COL28A1: variants seen among roughly 807,000 people sequenced by gnomAD.
COL28A1 encodes collagen alpha-1(XXVIII) chain.
In COL28A1, 161 loss-of-function variants were observed where a neutral mutation model predicts 150.2. That is an observed-to-expected ratio of 1.07 (90% CI 0.94 to 1.22). COL28A1 has a LOEUF of 1.22. Ranked by LOEUF, COL28A1 falls within the 50% of genes most tolerant of loss-of-function variation. The pLI, the probability that COL28A1 is intolerant of heterozygous loss-of-function variation, is 0.00. For missense variants in COL28A1, 1,617 were observed against 1,388.3 expected (o/e 1.16, Z -2.62); for synonymous variants, 552 against 469.7 (o/e 1.18, Z -2.26).
intron 11 of COL28A1, among the ~76,000 whole-genome samples, chr7:7,497,102 G>GAAGA (rs1434118724): frequency 7.7e-5 from 11 of 143,024 alleles, no homozygotes; most frequent in Admixed American, 4.1e-4. Context: ...AGAAAGGAAG[G>GAAGA]AAGGAAGGAA....
intron 13 of COL28A1, among the ~76,000 whole-genome samples, chr7:7,483,294 TTTTA>T (rs1172834240): frequency 6.6e-6 from 1 of 152,226 alleles, no homozygotes; most frequent in Non-Finnish European, 1.5e-5. Context: ...TTACAGTATT[TTTTA>T]TTTATGACGG....
At chr7:7,400,773 T>A (rs925689183) in intron 27 of COL28A1, among the ~76,000 whole-genome samples, 72 of 152,294 alleles carry the variant, frequency 4.7e-4, no homozygotes, top group African/African-American at 1.7e-3. Context: ...GTTGCCTGTA[T>A]ACTTTGTCTT....
At chr7:7,342,430 A>G in the COL28A1 span, among the ~76,000 whole-genome samples, 1 of 152,078 alleles carries the variant, frequency 6.6e-6, no homozygotes, top group South Asian at 2.1e-4. Flanking sequence ...TACATTTAAT[A>G]TAATTATGAA....
chr7:7,542,277 G>A, the COL28A1 span, among the ~76,000 whole-genome samples: 10 of 152,186 alleles, frequency 6.6e-5, no homozygotes, highest in East Asian at 1.9e-4. Flanking sequence ...GAACCAGTGC[G>A]CTGAGATGGC....
At chr7:7,374,036 A>ATATATAT (rs1281053510) in intron 31 of COL28A1, among the ~76,000 whole-genome samples, 15 of 77,842 alleles carry the variant, frequency 1.9e-4, no homozygotes, top group South Asian at 1.4e-3. Flanking sequence ...AAAAAAAAAA[A>ATATATAT]AAATATATAT....
upstream of COL28A1, among the ~76,000 whole-genome samples, chr7:7,538,656 C>T (rs1024743480): frequency 7.3e-5 from 11 of 151,632 alleles, no homozygotes; most frequent in Admixed American, 7.2e-4. Context: ...TTTTGGGGTC[C>T]TAGAATCATT....
chr7:7,421,310 A>G (rs1012288240), intron 25 of COL28A1, among the ~76,000 whole-genome samples: 8 of 152,218 alleles, frequency 5.3e-5, no homozygotes, highest in African/African-American at 1.9e-4. Flanking sequence ...AGCAACATGG[A>G]TTAACTATAA....
chr7:7,443,882 A>G (rs1786010675), intron 19 of COL28A1, among the ~76,000 whole-genome samples: 1 of 151,892 alleles, frequency 6.6e-6, no homozygotes, highest in Non-Finnish European at 1.5e-5. Context: ...AAAGTAATTT[A>G]TCAGCCAATT....
chr7:7,480,566 T>G (rs191534724), intron 13 of COL28A1, among the ~76,000 whole-genome samples: 116 of 152,224 alleles, frequency 7.6e-4, no homozygotes, highest in Admixed American at 2.0e-3. Context: ...ACACATACTT[T>G]AACAAAGAAA....
upstream of COL28A1, among the ~76,000 whole-genome samples, chr7:7,536,424 G>A (rs1782640952): frequency 6.6e-6 from 1 of 152,094 alleles, no homozygotes; most frequent in African/African-American, 2.4e-5. Context: ...CTTATGAAAT[G>A]AGAGAGTAGA....
rs1788959538 is a variant in COL28A1, at chr7:7,477,147, T to C, written c.1198A>G (p.Arg400Gly). 5 of 1,347,362 alleles carry C rather than the reference T, an allele frequency of 3.7e-6. No homozygotes were observed. The highest frequency in any genetic ancestry group is 1.7e-5 in the Admixed American group (1 of 59,672). The allele number at this position is 1,347,362 out of a possible 1,614,324, so 83.5% of individuals were successfully genotyped here. Residue 400 changes from arginine to glycine, a missense_variant, in exon 14 of 35, where the codon AGG (arginine) becomes GGG (glycine). By Grantham distance (125) the Arg-to-Gly change is moderately radical. Coordinates refer to ENST00000399429, the MANE Select transcript of COL28A1 (RefSeq NM_001037763.3). The part of the protein sequence containing the change: ...PRGPEGVPGE[R>G]GLPGEGFPGP... ...GGAAATCCTTCTCCGGGTAAGCCCC[T>C]CTCTCCTGGTACTCCCTCAGGACCA...
chr7:7,506,101 T>C (rs781018959), intron 10 of COL28A1, 34 bp from the exon 11 acceptor site: 7 of 1,032,770 alleles, frequency 6.8e-6, no homozygotes, highest in Non-Finnish European at 1.1e-5. Context: ...ATTAGTTCTG[T>C]GTACAAAAGG....
intron 16 of COL28A1, among the ~76,000 whole-genome samples, chr7:7,455,176 G>T (rs952322218): frequency 2.7e-4 from 41 of 152,110 alleles, no homozygotes; most frequent in African/African-American, 9.9e-4. Flanking sequence ...TTAAGCAATA[G>T]AATAATTCAA....
At chr7:7,406,855 TTTTC>T (rs1284176193) in intron 27 of COL28A1, among the ~76,000 whole-genome samples, 3 of 152,100 alleles carry the variant, frequency 2.0e-5, no homozygotes, top group Admixed American at 1.3e-4. Context: ...AGATTAGTGG[TTTTC>T]TTTCTTTTTT....
intron 18 of COL28A1, among the ~76,000 whole-genome samples, chr7:7,448,239 A>G (rs1562684193): frequency 6.6e-6 from 1 of 152,182 alleles, no homozygotes; most frequent in Non-Finnish European, 1.5e-5. Flanking sequence ...AAACATATCT[A>G]AGGCACATTA....
intron 33 of COL28A1, among the ~76,000 whole-genome samples, chr7:7,362,841 A>G (rs1223403138): frequency 6.6e-6 from 1 of 152,158 alleles, no homozygotes; most frequent in Non-Finnish European, 1.5e-5. Flanking sequence ...GCTAGAGGAA[A>G]ACTTTCTTGG....
upstream of COL28A1, among the ~76,000 whole-genome samples, chr7:7,540,062 GA>G (rs1782758243): frequency 8.7e-6 from 1 of 114,804 alleles, no homozygotes; most frequent in South Asian, 2.7e-4. Context: ...AATTATTTTA[GA>G]CCAAAAATAA....
At position 7,520,009 on chromosome 7, in the gene COL28A1, A is replaced by G. The variant is rs116164445; in HGVS notation, c.813+53T>C. The G allele has an allele frequency of 5.5e-3, 4,741 of 854,578 alleles. 148 individuals carry two copies. In the African/African-American group the frequency reaches 0.069, roughly 12 times the overall value. The allele number at this position is 854,578 out of a possible 1,614,324, so 52.9% of individuals were successfully genotyped here. ...ATTTTTAAAATTGTTGTTTTAAAAA[A>G]AAAGTCTAGAAGGAGATACGCTGGT... On this transcript the variant is annotated intron_variant, in intron 6 of 34. Coordinates refer to ENST00000399429, the MANE Select transcript of COL28A1 (RefSeq NM_001037763.3).
At chr7:7,486,753 C>T (rs1200491474) in intron 13 of COL28A1, among the ~76,000 whole-genome samples, 1 of 152,060 alleles carries the variant, frequency 6.6e-6, no homozygotes, top group Non-Finnish European at 1.5e-5. Context: ...GATTAATTTT[C>T]AATTATTAAG....
Sources: gnomAD v4.1 joint callset for allele counts (sites outside exome capture counted in the v4.1 genomes callset) on GRCh38, gnomAD v4.1.1 for gene constraint, MANE v1.5 for transcripts, NCBI Gene and HGNC (gene_info 2026-07-23, HGNC 2026-07-21) for gene names.